KAZN: variants seen among roughly 807,000 people sequenced by gnomAD.
KAZN encodes the protein kazrin.
KAZN carries 40 observed loss-of-function variants against 87.4 expected under a neutral mutation model. The ratio of observed to expected loss-of-function variants is 0.46; its 90% CI spans 0.36 to 0.60. KAZN has a LOEUF of 0.60. KAZN is among the 20% of genes least tolerant of loss of function. KAZN has a pLI of 0.00. For synonymous variants in KAZN, 466 were observed against 458.3 expected (o/e 1.02, Z -0.22); for missense variants, 898 against 1,073.9 (o/e 0.84, Z 2.29).
chr1:13,893,565 T>A, exon 1 of KAZN: 1 of 1,492,894 alleles, frequency 6.7e-7, no homozygotes, highest in Non-Finnish European at 8.9e-7. Flanking sequence ...ACAAGTAGCC[T>A]CAGATCTGCA....
At chr1:15,063,800 C>T (rs776313820) in intron 7 of KAZN, among the ~76,000 whole-genome samples, 178 bp downstream of exon 7, 1 of 151,380 alleles carries the variant, frequency 6.6e-6, no homozygotes, top group Non-Finnish European at 1.5e-5. Flanking sequence ...ATTTATGCCA[C>T]TTCCGCTGAG....
rs930699215 is a variant in KAZN, at chr1:14,424,721, C to T, written c.250-174262C>T. Among the ~76,000 whole-genome samples the T allele has an allele frequency of 4.6e-5, 7 of 152,318 alleles. No individual in the cohort carries two copies. The East Asian group carries it at 5.8e-4, about 13-fold the overall frequency. On this transcript the variant is annotated intron_variant, in intron 2 of 16. Coordinates refer to the KAZN transcript ENST00000636203. ...AAGAACCCATTTTCTCATCTAACTA[C>T]GCTTCAACAGCTTCTGCCAGTTATT... is the stretch of plus-strand genomic sequence containing the variant.
intron 1 of KAZN, among the ~76,000 whole-genome samples, chr1:14,932,179 T>C (rs1659906339): frequency 6.6e-6 from 1 of 152,152 alleles, no homozygotes; most frequent in Admixed American, 6.5e-5. Flanking sequence ...CAAACTCTTG[T>C]CCTGTGATTC....
At chr1:14,648,039 T>C (rs1680940535) in intron 1 of KAZN, among the ~76,000 whole-genome samples, 1 of 152,174 alleles carries the variant, frequency 6.6e-6, no homozygotes, top group Admixed American at 6.5e-5. Flanking sequence ...TGAACTAAGT[T>C]AAGAAGGAAC....
intron 2 of KAZN, among the ~76,000 whole-genome samples, chr1:14,967,746 G>C (rs769979565): frequency 6.6e-6 from 1 of 152,226 alleles, no homozygotes; most frequent in African/African-American, 2.4e-5. Flanking sequence ...AGGAGTGCAG[G>C]CGACCTCTAG....
chr1:14,985,443 T>C (rs1365336506), intron 2 of KAZN, among the ~76,000 whole-genome samples: 1 of 151,556 alleles, frequency 6.6e-6, no homozygotes, highest in East Asian at 2.0e-4. Flanking sequence ...GGCAGGAGGA[T>C]GGCTTAAGCC....
chr1:14,538,399 G>T (rs1337429086), intron 2 of KAZN, among the ~76,000 whole-genome samples: 1 of 152,122 alleles, frequency 6.6e-6, no homozygotes, highest in Non-Finnish European at 1.5e-5. Flanking sequence ...CCCAAGACTG[G>T]GTAATTTATA....
chr1:14,313,061 A>AAT (rs1655411228), intron 2 of KAZN, among the ~76,000 whole-genome samples: 1 of 152,180 alleles, frequency 6.6e-6, no homozygotes, highest in Non-Finnish European at 1.5e-5. Context: ...CTAATACAAC[A>AAT]TGCATAGAGA....
intron 1 of KAZN, among the ~76,000 whole-genome samples, chr1:13,983,961 A>C (rs1283442028): frequency 6.6e-6 from 1 of 152,152 alleles, no homozygotes; most frequent in Admixed American, 6.5e-5. Flanking sequence ...AGATGTTGAA[A>C]ATAATGGTAG....
At position 14,923,198 on chromosome 1, in the gene KAZN, C is replaced by T. The variant is rs1233347992; in HGVS notation, c.227-37486C>T. Among the ~76,000 whole-genome samples, 1 of 152,188 alleles carries T rather than the reference C, an allele frequency of 6.6e-6. No individual in the cohort carries two copies. Among genetic ancestry groups the T allele is most frequent in the Non-Finnish European group, 1.5e-5 (1 of 68,032 alleles). ...CTCCATGAGTGTGTGACTGACTCCTCACCTGGCTGTGTGGCCTCGGCTCCC... is the reference window on the plus strand; with the variant it reads ...CTCCATGAGTGTGTGACTGACTCCTTACCTGGCTGTGTGGCCTCGGCTCCC... On this transcript the variant is annotated intron_variant, in intron 1 of 14. Transcript: ENST00000376030. The surrounding 1 kb of genome is among the most constrained non-coding windows in gnomAD (Gnocchi z 4.2).
At chr1:14,221,325 C>G (rs1426073614) in intron 2 of KAZN, among the ~76,000 whole-genome samples, 1 of 151,840 alleles carries the variant, frequency 6.6e-6, no homozygotes, top group Admixed American at 6.6e-5. Flanking sequence ...ACTAAGAAAC[C>G]AACAGCATGG....
At chr1:14,681,763 G>A (rs1465938863) in intron 1 of KAZN, among the ~76,000 whole-genome samples, 12 of 134,078 alleles carry the variant, frequency 9.0e-5, no homozygotes, top group Admixed American at 8.6e-4. Flanking sequence ...TGCAAGCTCC[G>A]CCTCCCGCCT....
rs75247382 is a variant in KAZN, at chr1:14,347,353, G to A, written c.249+166761G>A. On this transcript the variant is annotated intron_variant, in intron 2 of 16. Transcript: ENST00000636203. ...AGCTACTCCAATCAGACCTCTCTCCGCAGTTCAGAACTTGAGTGGAATCCT... is the reference window on the plus strand; with the variant it reads ...AGCTACTCCAATCAGACCTCTCTCCACAGTTCAGAACTTGAGTGGAATCCT... Among the ~76,000 whole-genome samples, 538 of 152,208 alleles carry A rather than the reference G, an allele frequency of 3.5e-3. 3 individuals are homozygous for A. The highest frequency in any genetic ancestry group is 0.012 in the African/African-American group (501 of 41,524).
chr1:14,421,662 T>C (rs1665435102), intron 2 of KAZN, among the ~76,000 whole-genome samples: 1 of 152,270 alleles, frequency 6.6e-6, no homozygotes, highest in South Asian at 2.1e-4. Flanking sequence ...AAATTCTGGG[T>C]TAAATACTGT....
intron 2 of KAZN, among the ~76,000 whole-genome samples, chr1:14,990,527 C>T (rs1461734063): frequency 6.6e-6 from 1 of 152,008 alleles, no homozygotes; most frequent in Non-Finnish European, 1.5e-5. Context: ...CCCAGCCTAC[C>T]ACCTGTTTTT....
intron 1 of KAZN, among the ~76,000 whole-genome samples, chr1:14,873,266 A>C (rs958113545): frequency 6.6e-6 from 1 of 152,270 alleles, no homozygotes; most frequent in East Asian, 1.9e-4. Flanking sequence ...AATAACACAG[A>C]CAAAGCTCCT....
intron 1 of KAZN, among the ~76,000 whole-genome samples, chr1:14,636,322 T>A (rs564818329): frequency 3.3e-5 from 5 of 152,292 alleles, no homozygotes; most frequent in African/African-American, 1.2e-4. Context: ...GTGGTCCCCC[T>A]CTCTAGGTGC....
chr1:14,678,122 G>C (rs1640345538), intron 1 of KAZN, among the ~76,000 whole-genome samples: 1 of 152,160 alleles, frequency 6.6e-6, no homozygotes, highest in Admixed American at 6.6e-5. Context: ...TTGTTTCTGG[G>C]TGTTGCCGGA....
At chr1:14,479,608 C>CT (rs1668957144) in intron 2 of KAZN, among the ~76,000 whole-genome samples, 1 of 152,180 alleles carries the variant, frequency 6.6e-6, no homozygotes, top group African/African-American at 2.4e-5. Context: ...TCTTTTGAAA[C>CT]TTTTCCCTGA....
Sources: gnomAD v4.1 joint callset for allele counts (sites outside exome capture counted in the v4.1 genomes callset) on GRCh38, gnomAD v4.1.1 for gene constraint, Gnocchi (gnomAD v3.1) non-coding constraint, MANE v1.5 for transcripts, NCBI Gene and HGNC (gene_info 2026-07-23, HGNC 2026-07-21) for gene names.